The following SDK1 variants were observed in gnomAD, a reference collection of about 807,000 sequenced individuals.
The protein encoded by SDK1 is sidekick cell adhesion molecule 1.
Under a neutral mutation model 245.5 loss-of-function variants are expected in SDK1, and 157 were observed. The observed-to-expected ratio is 0.64, with a 90% CI of 0.56 to 0.73. The LOEUF is 0.73. Among genes scored for constraint, SDK1 ranks in the 30% least tolerant of loss-of-function variants. The pLI is 0.00. For missense variants in SDK1, 3,583 were observed against 3,002.3 expected, an observed-to-expected ratio of 1.19 and a Z score of -4.52; for synonymous variants, 1,647 against 1,278.5, an observed-to-expected ratio of 1.29 and a Z score of -6.15.
intron 1 of SDK1, among the ~76,000 whole-genome samples, chr7:3,505,889 G>A (rs1038443793): frequency 6.6e-6 from 1 of 152,054 alleles, no homozygotes; most frequent in African/African-American, 2.4e-5. Context: ...AGGGAAGACT[G>A]TTGCTTTTAT....
intron 1 of SDK1, among the ~76,000 whole-genome samples, chr7:3,392,391 G>C (rs1781780647): frequency 6.6e-6 from 1 of 151,960 alleles, no homozygotes; most frequent in African/African-American, 2.4e-5. Flanking sequence ...TGGATCTTGT[G>C]ACCTTTTGAC....
intron 22 of SDK1, among the ~76,000 whole-genome samples, chr7:4,095,565 T>TTTTA (rs1194140555): frequency 6.6e-6 from 1 of 152,064 alleles, no homozygotes; most frequent in Non-Finnish European, 1.5e-5. Flanking sequence ...TATTTTTAAT[T>TTTTA]TTTATTTATT....
intron 1 of SDK1, among the ~76,000 whole-genome samples, chr7:3,418,923 G>A (rs1370192993): frequency 6.6e-6 from 1 of 152,112 alleles, no homozygotes; most frequent in Non-Finnish European, 1.5e-5. Context: ...GTAAAAAGAG[G>A]GTATCTCTAG....
At chr7:4,080,203 G>A (rs1328162454) in intron 22 of SDK1, among the ~76,000 whole-genome samples, 2 of 152,090 alleles carry the variant, frequency 1.3e-5, no homozygotes, top group East Asian at 1.9e-4. Flanking sequence ...GGAGAGCTGG[G>A]GGCGGGTTCC....
intron 1 of SDK1, among the ~76,000 whole-genome samples, chr7:3,611,415 C>G (rs764325922): frequency 6.6e-6 from 1 of 152,158 alleles, no homozygotes; most frequent in Non-Finnish European, 1.5e-5. Context: ...AATAACCAAA[C>G]GACTTACTTG....
intron 31 of SDK1, 43 bp from the exon 32 acceptor site, chr7:4,161,743 A>G: frequency 1.3e-6 from 2 of 1,553,784 alleles, no homozygotes; most frequent in Non-Finnish European, 1.8e-6. Flanking sequence ...GGCAGAACAT[A>G]ACAACCACCC....
At position 3,861,255 on chromosome 7, in the gene SDK1, G is replaced by A. The variant is rs375399295; in HGVS notation, c.847+39672G>A. ...AATATTATATGCAAAGGTCAGTGAA[G>A]CGCCGTGCAAAAAGATCAGGAAAGA... On this transcript the variant is annotated intron_variant, in intron 5 of 44. Transcript: ENST00000404826. Among the ~76,000 whole-genome samples, 3 of 152,176 alleles carry A rather than the reference G, an allele frequency of 2.0e-5. No homozygotes were observed. In the East Asian group the frequency reaches 5.8e-4, roughly 29 times the overall value.
At chr7:3,582,520 G>A (rs187844831) in intron 1 of SDK1, among the ~76,000 whole-genome samples, 16 of 151,330 alleles carry the variant, frequency 1.1e-4, no homozygotes, top group South Asian at 4.3e-4. Context: ...AGGCCCCAGT[G>A]TCTGCTGTGG....
At chr7:3,522,081 AC>A (rs1782957523) in intron 1 of SDK1, among the ~76,000 whole-genome samples, 1 of 152,064 alleles carries the variant, frequency 6.6e-6, no homozygotes, top group South Asian at 2.1e-4. Context: ...CCATTTCAAA[AC>A]ATAGGCTTTA....
intron 3 of SDK1, among the ~76,000 whole-genome samples, 170 bp downstream of exon 3, chr7:3,639,280 G>T (rs1178390140): frequency 6.6e-6 from 1 of 152,150 alleles, no homozygotes; most frequent in Non-Finnish European, 1.5e-5. Context: ...AGCGTGGCTG[G>T]CCAGGTGAGG....
intron 1 of SDK1, among the ~76,000 whole-genome samples, chr7:3,334,341 T>G (rs1780145080): frequency 6.6e-6 from 1 of 152,230 alleles, no homozygotes; most frequent in African/African-American, 2.4e-5. Flanking sequence ...GCCTCTTTCA[T>G]TCTCATTAGA....
At position 3,783,474 on chromosome 7, in the gene SDK1, C is replaced by CAA. The variant is rs56902874; in HGVS notation, c.714-37965_714-37964dup. 2.6e-3 allele frequency among the ~76,000 whole-genome samples: 355 copies of CAA among 135,740 alleles called. 2 individuals are homozygous for CAA. Among genetic ancestry groups the CAA allele is most frequent in the African/African-American group, 8.9e-3 (341 of 38,228 alleles). The allele number at this position is 135,740 out of a possible 152,430, so 89.1% of individuals were successfully genotyped here. A position where few individuals can be genotyped will look rare whatever the true frequency, so the allele number is the denominator to read the frequency against. ...ATATAGAAAATGCTACAGACCCCACCAAAAAAAAAAAACCCTGTTGGAACT... is the reference window on the plus strand; with the variant it reads ...ATATAGAAAATGCTACAGACCCCACCAAAAAAAAAAAAAACCCTGTTGGAACT... On this transcript the variant is annotated intron_variant, in intron 4 of 44. Coordinates refer to ENST00000404826, the MANE Select transcript of SDK1 (RefSeq NM_152744.4).
intron 1 of SDK1, among the ~76,000 whole-genome samples, chr7:3,346,279 C>T (rs960033405): frequency 1.1e-4 from 16 of 152,212 alleles, no homozygotes; most frequent in Admixed American, 5.9e-4. Flanking sequence ...GGGCTGGTTT[C>T]GGTGGGTGGG....
intron 35 of SDK1, among the ~76,000 whole-genome samples, chr7:4,195,424 G>T (rs919810946): frequency 6.6e-5 from 10 of 152,104 alleles, no homozygotes; most frequent in Admixed American, 6.5e-4. Context: ...TTGGGGCTCA[G>T]CTTTTCCCCG....
At chr7:3,665,015 A>G (rs1248889645) in intron 4 of SDK1, among the ~76,000 whole-genome samples, 3 of 152,220 alleles carry the variant, frequency 2.0e-5, no homozygotes, top group Non-Finnish European at 2.9e-5. Flanking sequence ...GGCTCTTCTG[A>G]ATAACTCAGA....
In SDK1 at chr7:3,405,191, ACTTTC is replaced by A. The variant is rs1348503694; in HGVS notation, c.298+103311_298+103315del. 7.9e-4 allele frequency among the ~76,000 whole-genome samples: 120 copies of A among 151,190 alleles called. 1 individual carries two copies. The highest frequency in any genetic ancestry group is 2.6e-3 in the African/African-American group (105 of 40,620). On this transcript the variant is annotated intron_variant, in intron 1 of 44. Transcript: ENST00000404826. ...AAAAACAAAAACAAAAACAAAAAAC[ACTTTC>A]CTTAATCTTGGAATGCTTTTCACAA...
intron 16 of SDK1, among the ~76,000 whole-genome samples, chr7:4,015,473 G>A (rs777876474): frequency 6.6e-6 from 1 of 152,130 alleles, no homozygotes. Flanking sequence ...TATTTTAAGC[G>A]TTCATCTTTT....
At position 3,987,230 on chromosome 7, in the gene SDK1, C is replaced by T; in HGVS notation, c.2039C>T (p.Ser680Phe). The T allele has an allele frequency of 6.2e-7, 1 of 1,614,140 alleles. No individual in the cohort carries two copies. Among genetic ancestry groups the T allele is most frequent in the Non-Finnish European group, 8.5e-7 (1 of 1,179,990 alleles). Residue 680 changes from serine to phenylalanine, a missense_variant, in exon 14 of 45, where the codon TCT becomes TTT. Transcript: ENST00000404826. ...SPQNLLVSPN[S>F]SHSHAVVLSW... The stretch of plus-strand genomic sequence containing the variant: ...CAGAACCTCCTGGTCAGCCCTAATT[C>T]TTCCCACAGCCACGCCGTGGTGCTC...
At chr7:3,378,712 C>T (rs1554501) in intron 1 of SDK1, among the ~76,000 whole-genome samples, 253 of 152,026 alleles carry the variant, frequency 1.7e-3, no homozygotes, top group African/African-American at 5.9e-3. Flanking sequence ...CTCAGCGTTG[C>T]GTGAAGGTTC....
Sources: allele counts gnomAD v4.1 joint callset (sites outside exome capture counted in the v4.1 genomes callset), GRCh38; gene constraint gnomAD v4.1.1; transcripts MANE v1.5; gene names NCBI Gene and HGNC (gene_info 2026-07-23, HGNC 2026-07-21).